Variants in AIDA observed in about 807,000 individuals in gnomAD.
AIDA encodes axin interactor, dorsalization associated.
AIDA carries 18 observed loss-of-function variants against 42.7 expected under a neutral mutation model. That is an observed-to-expected ratio of 0.42 (90% CI 0.29 to 0.63). The LOEUF is 0.63. AIDA is among the 20% of genes least tolerant of loss of function. The pLI, the probability that AIDA is intolerant of heterozygous loss-of-function variation, is 0.19. For missense variants in AIDA, 250 were observed against 354.1 expected, an observed-to-expected ratio of 0.71 and a Z score of 2.36; for synonymous variants, 104 against 122.9, an observed-to-expected ratio of 0.85 and a Z score of 1.02.
intron 2 of AIDA, among the ~76,000 whole-genome samples, chr1:222,694,606 T>C (rs895365790): frequency 6.6e-6 from 1 of 152,204 alleles, no homozygotes; most frequent in Non-Finnish European, 1.5e-5. Context: ...ATTCACCTTT[T>C]AAAAGGCTTA....
rs375989650 is a variant in AIDA, at chr1:222,703,942, A to G, written c.111-725T>C. On this transcript the variant is annotated intron_variant, in intron 1 of 9. Coordinates refer to ENST00000340020, the MANE Select transcript of AIDA (RefSeq NM_022831.4). ...CAACCCTCTTACAAACTAAACTATA[A>G]AACTATGGTCTCAACTATAAAAAGA... 1.4e-3 allele frequency among the ~76,000 whole-genome samples: 216 copies of G among 152,328 alleles called. 1 individual carries two copies. Among genetic ancestry groups the G allele is most frequent in the African/African-American group, 5.0e-3 (207 of 41,574 alleles).
intron 4 of AIDA, among the ~76,000 whole-genome samples, chr1:222,688,455 A>G (rs1428060892): frequency 6.6e-6 from 1 of 152,202 alleles, no homozygotes; most frequent in Admixed American, 6.5e-5. Context: ...CAGTGGTCCC[A>G]TAAGATTACA....
intron 1 of AIDA, among the ~76,000 whole-genome samples, chr1:222,709,132 A>T (rs191112292): frequency 7.2e-5 from 11 of 152,292 alleles, no homozygotes; most frequent in Admixed American, 6.5e-4. Context: ...ACAAATACAG[A>T]AAATGTATTT....
intron 2 of AIDA, 31 bp from the exon 3 acceptor site, chr1:222,694,294 C>T: frequency 6.4e-7 from 1 of 1,556,340 alleles, no homozygotes; most frequent in Non-Finnish European, 8.8e-7. Flanking sequence ...CTATAAATAC[C>T]AGAATTATCA....
chr1:222,677,234 C>T (rs1664561837), intron 6 of AIDA, among the ~76,000 whole-genome samples: 1 of 151,884 alleles, frequency 6.6e-6, no homozygotes, highest in African/African-American at 2.4e-5. Context: ...TTAATAATAC[C>T]TCTGCTGGCA....
At chr1:222,683,915 C>T (rs1664696043) in intron 6 of AIDA, among the ~76,000 whole-genome samples, 1 of 151,840 alleles carries the variant, frequency 6.6e-6, no homozygotes, top group African/African-American at 2.4e-5. Context: ...GTAAGCTTGA[C>T]TACCTTTTTT....
chr1:222,681,599 G>T (rs192189889), intron 6 of AIDA, among the ~76,000 whole-genome samples: 2 of 152,188 alleles, frequency 1.3e-5, no homozygotes, highest in African/African-American at 4.8e-5. Flanking sequence ...GGAGGCAGAG[G>T]TTGCAGTGAG....
At chr1:222,675,704 G>C (rs1225654336) in intron 7 of AIDA, among the ~76,000 whole-genome samples, 1 of 152,126 alleles carries the variant, frequency 6.6e-6, no homozygotes, top group African/African-American at 2.4e-5. Flanking sequence ...AGGAGGAATC[G>C]GGAAACAGAA....
intron 6 of AIDA, among the ~76,000 whole-genome samples, chr1:222,685,877 T>C (rs1010002003): frequency 2.0e-5 from 3 of 152,210 alleles, no homozygotes; most frequent in Admixed American, 2.0e-4. Flanking sequence ...GAAGTACTTA[T>C]GGCCGGGCGC....
intron 7 of AIDA, among the ~76,000 whole-genome samples, chr1:222,675,823 A>G (rs77739739): frequency 0.014 from 2,135 of 152,342 alleles, 52 homozygotes; most frequent in African/African-American, 0.049. Flanking sequence ...CCAGCACCCC[A>G]GATGGGATGT....
chr1:222,696,398 G>A lies in AIDA; in HGVS notation c.181-2135C>T, dbSNP rs148875050. Among the ~76,000 whole-genome samples, 558 of 152,312 alleles carry A rather than the reference G, an allele frequency of 3.7e-3. 4 individuals carry two copies. The highest frequency in any genetic ancestry group is 0.017 in the Middle Eastern group (5 of 294). ...CTAACAACTACTGAGCACTTACTAAGTGACAGGCTCTCCTAAGTGATTTAC... is the reference window on the plus strand; with the variant it reads ...CTAACAACTACTGAGCACTTACTAAATGACAGGCTCTCCTAAGTGATTTAC... On this transcript the variant is annotated intron_variant, in intron 2 of 9. Transcript: ENST00000340020.
Position 222,673,460 on chromosome 1 carries a change from T to C in AIDA, c.584-25A>G, listed in dbSNP as rs750736478. The C allele has an allele frequency of 5.2e-6, 8 of 1,540,316 alleles. No homozygotes were observed. In the South Asian group the frequency reaches 6.4e-5, roughly 12 times the overall value. On this transcript the variant is annotated intron_variant, in intron 7 of 9. Transcript: ENST00000340020. ...TCTAAAGAGAAAAGAAGTTTCTCTT[T>C]AGGAACATTCAAATATACAGACTTA... is the stretch of plus-strand genomic sequence containing the variant.
chr1:222,694,784 T>C (rs1409998647), intron 2 of AIDA, among the ~76,000 whole-genome samples: 1 of 152,226 alleles, frequency 6.6e-6, no homozygotes, highest in Non-Finnish European at 1.5e-5. Context: ...ATAAAATGGA[T>C]ATTAATGATA....
chr1:222,689,584 C>T (rs1230264320), intron 4 of AIDA, among the ~76,000 whole-genome samples: 7 of 130,092 alleles, frequency 5.4e-5, no homozygotes, highest in Non-Finnish European at 6.3e-5. Flanking sequence ...TATATATACA[C>T]ACACACACAC....
At chr1:222,701,818 G>A (rs1231402278) in intron 2 of AIDA, among the ~76,000 whole-genome samples, 1 of 152,112 alleles carries the variant, frequency 6.6e-6, no homozygotes, top group African/African-American at 2.4e-5. Flanking sequence ...CTGCCTCCCA[G>A]GTTCAAGTGA....
chr1:222,698,529 G>A (rs1341402034), intron 2 of AIDA, among the ~76,000 whole-genome samples: 1 of 145,340 alleles, frequency 6.9e-6, no homozygotes, highest in Non-Finnish European at 1.5e-5. Flanking sequence ...TCGGCTCACT[G>A]CAACCTCTGC....
chr1:222,712,319 G>A lies in AIDA; in HGVS notation c.-2C>T, dbSNP rs372661828. On this transcript the variant is annotated 5_prime_UTR_variant, in exon 1 of 10. Transcript: ENST00000340020. ...CAGACTCCGGGTCACCTCCGACATG[G>A]CCGGTCCCCACCCCGTCCCCTCCCG... The A allele has an allele frequency of 1.6e-5, 25 of 1,551,530 alleles. No individual in the cohort carries two copies. Among genetic ancestry groups the A allele is most frequent in the Non-Finnish European group, 2.0e-5 (23 of 1,147,910 alleles).
At chr1:222,671,996 A>G (rs17011686) in intron 8 of AIDA, among the ~76,000 whole-genome samples, 14,564 of 152,252 alleles carry the variant, frequency 0.096, 1,269 homozygotes, top group East Asian at 0.27. Context: ...TGTAAATAAT[A>G]TATTTCCTGC....
At chr1:222,705,144 C>T (rs1272659943) in intron 1 of AIDA, among the ~76,000 whole-genome samples, 1 of 152,204 alleles carries the variant, frequency 6.6e-6, no homozygotes, top group Non-Finnish European at 1.5e-5. Flanking sequence ...AAGATAGCTC[C>T]ACTGTGTTAC....
Sources: gnomAD v4.1 joint callset for allele counts (sites outside exome capture counted in the v4.1 genomes callset) on GRCh38, gnomAD v4.1.1 for gene constraint, MANE v1.5 for transcripts, NCBI Gene and HGNC (gene_info 2026-07-23, HGNC 2026-07-21) for gene names.